Variants in FNDC3B observed in about 807,000 individuals in gnomAD.
The protein encoded by FNDC3B is fibronectin type III domain-containing protein 3B.
FNDC3B carries 12 observed loss-of-function variants against 151.5 expected under a neutral mutation model. That is an observed-to-expected ratio of 0.08 (90% CI 0.05 to 0.13). FNDC3B has a LOEUF of 0.13. Ranked by LOEUF, FNDC3B falls within the 10% of genes least tolerant of loss-of-function variation. The pLI is 1.00. For synonymous variants in FNDC3B, 528 were observed against 549.0 expected, an observed-to-expected ratio of 0.96 and a Z score of 0.54; for missense variants, 1,214 against 1,505.3, an observed-to-expected ratio of 0.81 and a Z score of 3.20.
chr3:172,239,856 CTTTTTTT>C lies in FNDC3B; in HGVS notation c.265-7653_265-7647del, dbSNP rs71179981. ...TGTTTTTAGGAGATCCATTTTAGTT[CTTTTTTT>C]TTTTTTTTTTTTTTTTTTTTTTTGG... is the stretch of plus-strand genomic sequence containing the variant. On this transcript the variant is annotated intron_variant, in intron 4 of 25. Transcript: ENST00000415807. 5.3e-3 allele frequency among the ~76,000 whole-genome samples: 262 copies of C among 49,900 alleles called. 2 individuals are homozygous for C. The highest frequency in any genetic ancestry group is 0.019 in the African/African-American group (251 of 13,302). The allele number at this position is 49,900 out of a possible 152,430, so 32.7% of individuals were successfully genotyped here.
chr3:172,149,624 G>A (rs1351503159), intron 3 of FNDC3B, among the ~76,000 whole-genome samples: 2 of 151,942 alleles, frequency 1.3e-5, no homozygotes, highest in Middle Eastern at 3.2e-3. Flanking sequence ...CTACTTGAAA[G>A]TGAGATTTTA....
chr3:172,073,746 T>A (rs1206801258), intron 1 of FNDC3B, among the ~76,000 whole-genome samples: 1 of 152,188 alleles, frequency 6.6e-6, no homozygotes, highest in East Asian at 1.9e-4. Flanking sequence ...TGTCCCTATA[T>A]GGTATATTCT....
At chr3:172,056,580 T>C (rs1043392991) in intron 1 of FNDC3B, among the ~76,000 whole-genome samples, 2 of 152,256 alleles carry the variant, frequency 1.3e-5, no homozygotes, top group Non-Finnish European at 2.9e-5. Flanking sequence ...GCCCAGTCTC[T>C]CAGTGTCTTA....
chr3:172,087,456 G>A (rs991258140), intron 1 of FNDC3B, among the ~76,000 whole-genome samples: 3 of 152,078 alleles, frequency 2.0e-5, no homozygotes, highest in African/African-American at 7.2e-5. Context: ...GTGTGTGGGC[G>A]TTAAAAGAGC....
chr3:172,390,710 TACA>T (rs1170239661), intron 25 of FNDC3B, among the ~76,000 whole-genome samples: 4 of 152,152 alleles, frequency 2.6e-5, no homozygotes, highest in Non-Finnish European at 5.9e-5. Context: ...CAGAAGTCTT[TACA>T]ACATTTGTGG....
At chr3:172,297,031 CAAAGT>C (rs1467525451) in intron 8 of FNDC3B, among the ~76,000 whole-genome samples, 3 of 152,044 alleles carry the variant, frequency 2.0e-5, no homozygotes, top group Non-Finnish European at 4.4e-5. Flanking sequence ...CATACATGAG[CAAAGT>C]GGAAAGGCTG....
intron 11 of FNDC3B, among the ~76,000 whole-genome samples, chr3:172,318,928 G>C (rs1410542330): frequency 6.6e-6 from 1 of 152,182 alleles, no homozygotes; most frequent in Non-Finnish European, 1.5e-5. Context: ...AGCCAGGAAG[G>C]ATTGAATAAC....
chr3:172,151,970 C>T (rs148794689), intron 3 of FNDC3B, among the ~76,000 whole-genome samples: 11 of 152,266 alleles, frequency 7.2e-5, no homozygotes, highest in African/African-American at 2.6e-4. Context: ...TTCATTCTCC[C>T]CATCAGTAGA....
chr3:172,110,614 A>G (rs976555991), intron 1 of FNDC3B, among the ~76,000 whole-genome samples: 5 of 151,724 alleles, frequency 3.3e-5, no homozygotes, highest in African/African-American at 1.2e-4. Context: ...GAGCTATGCC[A>G]AGCAGGAGAG....
At position 172,366,690 on chromosome 3, in the gene FNDC3B, G is replaced by A. The variant is rs1429827976; in HGVS notation, c.3008+3845G>A. Among the ~76,000 whole-genome samples, 4 of 152,180 alleles carry A rather than the reference G, an allele frequency of 2.6e-5. No homozygotes were observed. The East Asian group carries it at 7.7e-4, about 29-fold the overall frequency. Reference sequence around the variant, plus strand: ...GTGGAAGGCCTAAAGATTGACACATGCACAAGGTATAGAGGGAAAATTGAA... The same window carrying A: ...GTGGAAGGCCTAAAGATTGACACATACACAAGGTATAGAGGGAAAATTGAA... On this transcript the variant is annotated intron_variant, in intron 23 of 25. Transcript: ENST00000415807.
In FNDC3B at chr3:172,251,426, T is replaced by C. The variant is rs771952978; in HGVS notation, c.675T>C (p.Tyr225=). The change falls in exon 6 of 26, where the codon TAT becomes TAC. Residue 225 remains tyrosine, a synonymous_variant. Transcript: ENST00000415807. ...GCTGCACAACAGTATACAATGGCTA[T>C]GGGAAGGGCCATAGTGGTGGAAGTG... The part of the protein sequence containing the change: ...KSSCTTVYNG[Y]GKGHSGGSGG... The C allele has an allele frequency of 1.2e-6, 2 of 1,614,018 alleles. No individual in the cohort carries two copies. Among genetic ancestry groups the C allele is most frequent in the Non-Finnish European group, 1.7e-6 (2 of 1,180,004 alleles).
rs1736472856 is a variant in FNDC3B, at chr3:172,399,620, C to G, written c.*2145C>G. The G allele has an allele frequency of 6.6e-6, 1 of 152,526 alleles. No individual in the cohort carries two copies. Among genetic ancestry groups the G allele is most frequent in the East Asian group, 1.9e-4 (1 of 5,196 alleles). 9.4% of individuals were successfully genotyped at this position (152,526 alleles called of 1,614,324 possible). A position where few individuals can be genotyped will look rare whatever the true frequency, so the allele number is the denominator to read the frequency against. On this transcript the variant is annotated 3_prime_UTR_variant, in exon 26 of 26. Coordinates refer to ENST00000415807, the MANE Select transcript of FNDC3B (RefSeq NM_022763.4). ...ATATTTTTGCCAAAGTTCTGGCCTT[C>G]CAAAACTCACCCCCTTATTTAAATG...
intron 16 of FNDC3B, 129 bp from the exon 17 acceptor site, chr3:172,340,984 T>C: frequency 1.5e-6 from 1 of 682,752 alleles, no homozygotes; most frequent in Non-Finnish European, 2.6e-6. Flanking sequence ...GGAAGAGCTT[T>C]CTGGCTATTT....
At chr3:172,377,794 C>A (rs932245666) in intron 23 of FNDC3B, among the ~76,000 whole-genome samples, 2 of 151,964 alleles carry the variant, frequency 1.3e-5, no homozygotes, top group Non-Finnish European at 2.9e-5. Flanking sequence ...TTGGTAAGAT[C>A]GATAAAAGTT....
chr3:172,219,370 G>T (rs1354307022), intron 3 of FNDC3B, among the ~76,000 whole-genome samples: 1 of 152,200 alleles, frequency 6.6e-6, no homozygotes, highest in African/African-American at 2.4e-5. Context: ...TGCTCTCAGA[G>T]ATTTATATGC....
intron 3 of FNDC3B, among the ~76,000 whole-genome samples, chr3:172,180,936 G>A (rs1560004813): frequency 1.3e-5 from 2 of 151,484 alleles, no homozygotes. Flanking sequence ...TTTAGGTTGG[G>A]GCAAAAAAAT....
At chr3:172,284,656 C>T (rs1173294665) in intron 6 of FNDC3B, among the ~76,000 whole-genome samples, 1 of 150,362 alleles carries the variant, frequency 6.7e-6, no homozygotes, top group Non-Finnish European at 1.5e-5. Flanking sequence ...GTCCACATCC[C>T]CCTTCCCCTC....
At chr3:172,206,020 A>G (rs1725403789) in intron 3 of FNDC3B, among the ~76,000 whole-genome samples, 1 of 152,206 alleles carries the variant, frequency 6.6e-6, no homozygotes, top group Non-Finnish European at 1.5e-5. Flanking sequence ...AAAATATTCA[A>G]TCATATTTCT....
intron 8 of FNDC3B, among the ~76,000 whole-genome samples, chr3:172,296,213 C>A (rs1252695375): frequency 6.6e-6 from 1 of 152,224 alleles, no homozygotes; most frequent in South Asian, 2.1e-4. Context: ...TTTGGCCTCC[C>A]TGTGAGTGGA....
Sources: gnomAD v4.1 joint callset for allele counts (sites outside exome capture counted in the v4.1 genomes callset) on GRCh38, gnomAD v4.1.1 for gene constraint, MANE v1.5 for transcripts, NCBI Gene and HGNC (gene_info 2026-07-23, HGNC 2026-07-21) for gene names.